The following SMAD3 variants were observed in gnomAD, a reference collection of about 807,000 sequenced individuals.
SMAD3 encodes the protein SMAD family member 3, also known as MAD homolog 3.
In SMAD3, 12 loss-of-function variants were observed where a neutral mutation model predicts 51.8. The observed-to-expected ratio is 0.23, with a 90% CI of 0.15 to 0.38. The LOEUF is 0.38. Among genes scored for constraint, SMAD3 ranks in the 10% least tolerant of loss-of-function variants. The pLI is 1.00. For missense variants in SMAD3, 294 were observed against 565.6 expected (o/e 0.52, Z 4.87); for synonymous variants, 238 against 227.7 (o/e 1.05, Z -0.41).
intron 4 of SMAD3, among the ~76,000 whole-genome samples, chr15:67,169,383 G>A (rs767161759): frequency 7.2e-5 from 11 of 152,064 alleles, no homozygotes; most frequent in Admixed American, 2.0e-4. Context: ...CACAAACAGC[G>A]CAAGGCAGCA....
At chr15:67,187,921 C>T (rs1963262600) in intron 8 of SMAD3, among the ~76,000 whole-genome samples, 1 of 152,082 alleles carries the variant, frequency 6.6e-6, no homozygotes, top group South Asian at 2.1e-4. Context: ...AGGCAGATGG[C>T]TTTAGGATGA....
chr15:67,171,854 C>G (rs1323711789), intron 5 of SMAD3, among the ~76,000 whole-genome samples: 2 of 152,188 alleles, frequency 1.3e-5, no homozygotes, highest in African/African-American at 4.8e-5. Context: ...AAACTGAAGG[C>G]TAGAAGCGAA....
At chr15:67,087,447 C>A (rs1960417506) in intron 1 of SMAD3, among the ~76,000 whole-genome samples, 1 of 152,132 alleles carries the variant, frequency 6.6e-6, no homozygotes, top group African/African-American at 2.4e-5. Context: ...CCCTAAGATA[C>A]CGTGTAATAG....
At chr15:67,072,655 G>A (rs1960080699) in intron 1 of SMAD3, among the ~76,000 whole-genome samples, 2 of 152,332 alleles carry the variant, frequency 1.3e-5, no homozygotes, top group East Asian at 3.9e-4. Context: ...TGTGCAGGGG[G>A]TGGAAGTTCA....
intron 1 of SMAD3, among the ~76,000 whole-genome samples, chr15:67,135,932 T>A (rs1052205090): frequency 6.6e-6 from 1 of 152,234 alleles, no homozygotes; most frequent in Non-Finnish European, 1.5e-5. Flanking sequence ...GAAGACCTCC[T>A]GTTACTCCAA....
intron 1 of SMAD3, among the ~76,000 whole-genome samples, chr15:67,090,169 G>A (rs1960480888): frequency 6.6e-6 from 1 of 152,160 alleles, no homozygotes; most frequent in Admixed American, 6.5e-5. Flanking sequence ...TCAGGGTCAG[G>A]GCTTCCCATT....
At chr15:67,109,248 T>TGC (rs1245182868) in intron 1 of SMAD3, among the ~76,000 whole-genome samples, 31 of 152,252 alleles carry the variant, frequency 2.0e-4, no homozygotes, top group Admixed American at 2.6e-4. Context: ...AAATGCTTTT[T>TGC]GTGTGGAATG....
intron 1 of SMAD3, among the ~76,000 whole-genome samples, chr15:67,130,365 G>T (rs980041188): frequency 6.6e-6 from 1 of 152,204 alleles, no homozygotes; most frequent in African/African-American, 2.4e-5. Flanking sequence ...ACTGATACCC[G>T]TGTGCGGCCT....
chr15:67,097,371 A>T (rs1960636525), intron 1 of SMAD3, among the ~76,000 whole-genome samples: 1 of 151,900 alleles, frequency 6.6e-6, no homozygotes, highest in Non-Finnish European at 1.5e-5. Flanking sequence ...ACACATCTCT[A>T]TGCTGGGCTA....
rs577239608 is a variant in SMAD3 at position 67,070,735 on chromosome 15, A to G, written c.206+4375A>G. ...CCTTTTAAATATTGTAGAATTCACT[A>G]TGTTAGGAAATAAAATAATGACAGG... is the stretch of plus-strand genomic sequence containing the variant. On this transcript the variant is annotated intron_variant, in intron 1 of 8. Coordinates refer to ENST00000327367, the MANE Select transcript of SMAD3 (RefSeq NM_005902.4). Among the ~76,000 whole-genome samples the G allele has an allele frequency of 1.7e-4, 26 of 151,526 alleles. No homozygotes were observed. In the South Asian group the frequency reaches 4.0e-3, roughly 23 times the overall value.
At position 67,085,893 on chromosome 15, in the gene SMAD3, CACACACAT is replaced by C. The variant is rs112769190; in HGVS notation, c.206+19539_206+19546del. On this transcript the variant is annotated intron_variant, in intron 1 of 8. Transcript: ENST00000327367. ...GCACACACACACACACACACACACA[CACACACAT>C]ACACAGAGAACAGCTCTAGGTTCTG... Among the ~76,000 whole-genome samples, 24 of 32,330 alleles carry C rather than the reference CACACACAT, an allele frequency of 7.4e-4. No homozygotes were observed. The South Asian group carries it at 0.032, about 43-fold the overall frequency. The allele number at this position is 32,330 out of a possible 152,430, so 21.2% of individuals were successfully genotyped here. A position where few individuals can be genotyped will look rare whatever the true frequency, so the allele number is the denominator to read the frequency against.
chr15:67,192,174 A>G lies in SMAD3; in HGVS notation c.*1638A>G, dbSNP rs920764310. 11 of 232,460 alleles carry G rather than the reference A, an allele frequency of 4.7e-5. No homozygotes were observed. Among genetic ancestry groups the G allele is most frequent in the African/African-American group, 2.4e-4 (11 of 45,368 alleles). 14.4% of individuals were successfully genotyped at this position (232,460 alleles called of 1,614,324 possible). On this transcript the variant is annotated 3_prime_UTR_variant, in exon 9 of 9. Transcript: ENST00000327367. ...ACTTTTGGCAAGTCATACAGCTCAA[A>G]TGTGATGAGATTTCTGATGTTAGAG...
intron 1 of SMAD3, among the ~76,000 whole-genome samples, chr15:67,154,723 A>G (rs1962236908): frequency 6.6e-6 from 1 of 152,216 alleles, no homozygotes. Flanking sequence ...GAAAATTACA[A>G]TTATAGGCTA....
chr15:67,097,059 G>T (rs1333377579), intron 1 of SMAD3, among the ~76,000 whole-genome samples: 1 of 152,160 alleles, frequency 6.6e-6, no homozygotes, highest in Admixed American at 6.5e-5. Context: ...CTTAACTCAG[G>T]CATGGTCTCC....
Position 67,181,321 on chromosome 15 carries a change from A to G in SMAD3, c.739A>G (p.Thr247Ala). Residue 247 changes from threonine (T) to alanine (A), a missense_variant, in exon 6 of 9, where the codon ACA (threonine) becomes GCA (alanine). Around this residue, in one of 3 missense-constraint regions of SMAD3, gnomAD observed 118 missense variants for 278.0 expected, o/e 0.42. Coordinates refer to ENST00000327367, the MANE Select transcript of SMAD3 (RefSeq NM_005902.4). ...YYELNQRVGETFHASQPSMTV... is the reference protein window; with the variant it reads ...YYELNQRVGEAFHASQPSMTV... ...CGAGCTGAACCAGCGCGTCGGGGAG[A>G]CATTCCACGCCTCGCAGCCATCCAT... The G allele has an allele frequency of 6.2e-7, 1 of 1,613,964 alleles. No homozygotes were observed.
intron 1 of SMAD3, among the ~76,000 whole-genome samples, chr15:67,110,377 G>C (rs768066372): frequency 1.3e-5 from 2 of 152,182 alleles, no homozygotes; most frequent in Non-Finnish European, 2.9e-5. Context: ...AGCCTGTAGC[G>C]GGATATGTCA....
intron 4 of SMAD3, among the ~76,000 whole-genome samples, chr15:67,170,102 G>T (rs959351078): frequency 6.6e-6 from 1 of 152,220 alleles, no homozygotes; most frequent in African/African-American, 2.4e-5. Flanking sequence ...CTCAAGCCCT[G>T]CCTGTGTGGG....
At chr15:67,091,950 A>C (rs1960517808) in intron 1 of SMAD3, among the ~76,000 whole-genome samples, 1 of 152,210 alleles carries the variant, frequency 6.6e-6, no homozygotes, top group South Asian at 2.1e-4. Flanking sequence ...CGCTGCCTTT[A>C]GGCTGGAGGG....
At chr15:67,164,696 C>CA (rs1342600772) in intron 1 of SMAD3, among the ~76,000 whole-genome samples, 199 bp from the exon 2 acceptor site, 2 of 152,226 alleles carry the variant, frequency 1.3e-5, no homozygotes, top group African/African-American at 2.4e-5. Context: ...TGGGAGTCCT[C>CA]ACGGGGCCTT....
Sources: gnomAD v4.1 joint callset for allele counts (sites outside exome capture counted in the v4.1 genomes callset) on GRCh38, gnomAD v4.1.1 for gene constraint, gnomAD v4.1.1 regional missense constraint, MANE v1.5 for transcripts, NCBI Gene and HGNC (gene_info 2026-07-23, HGNC 2026-07-21) for gene names.